The following BCAS3 variants were observed in gnomAD, a reference collection of about 807,000 sequenced individuals.
BCAS3 encodes the protein BCAS3 microtubule associated cell migration factor, also known as BCAS4/BCAS3 fusion.
In BCAS3, 53 loss-of-function variants were observed where a neutral mutation model predicts 116.1. That is an observed-to-expected ratio of 0.46 (90% CI 0.37 to 0.57). BCAS3 has a LOEUF of 0.57. BCAS3 is among the 20% of genes least tolerant of loss of function. The pLI is 0.00. For synonymous variants in BCAS3, 391 were observed against 408.2 expected (o/e 0.96, Z 0.51); for missense variants, 917 against 1,165.4 (o/e 0.79, Z 3.10).
At chr17:60,691,678 T>G (rs897966122) in intron 4 of BCAS3, among the ~76,000 whole-genome samples, 1 of 152,104 alleles carries the variant, frequency 6.6e-6, no homozygotes. Flanking sequence ...TCTCCTATCC[T>G]GTGAGTTGCC....
At position 61,313,113 on chromosome 17, in the gene BCAS3, CGT is replaced by C. The variant is rs1459663218; in HGVS notation, c.2426-55211_2426-55210del. Among the ~76,000 whole-genome samples the C allele has an allele frequency of 1.3e-5, 2 of 152,128 alleles. No individual in the cohort carries two copies. Among genetic ancestry groups the C allele is most frequent in the African/African-American group, 2.4e-5 (1 of 41,404 alleles). On this transcript the variant is annotated intron_variant, in intron 22 of 23. Coordinates refer to ENST00000407086, the MANE Select transcript of BCAS3 (RefSeq NM_017679.5). This position sits in a 1 kb window ranked among gnomAD's most constrained non-coding sequence, Gnocchi z 4.3. ...GTAGCATTGATTGAGAAATCTACTC[CGT>C]GTTAGGCTTAGACTACATAGTGATG... is the stretch of plus-strand genomic sequence containing the variant.
chr17:60,979,689 AG>A (rs1329795199), intron 14 of BCAS3, among the ~76,000 whole-genome samples: 3 of 151,714 alleles, frequency 2.0e-5, no homozygotes, highest in Non-Finnish European at 4.4e-5. Context: ...TAACTTATTG[AG>A]AGTTTTTAGC....
At chr17:61,030,575 T>C (rs2066559956) in intron 16 of BCAS3, among the ~76,000 whole-genome samples, 1 of 152,084 alleles carries the variant, frequency 6.6e-6, no homozygotes, top group Non-Finnish European at 1.5e-5. Context: ...TGAAAATGAT[T>C]CTCGTTCTAT....
At chr17:60,992,123 C>T (rs568739487) in intron 15 of BCAS3, among the ~76,000 whole-genome samples, 1 of 150,284 alleles carries the variant, frequency 6.7e-6, no homozygotes, top group East Asian at 2.0e-4. Context: ...GAGTATGTAC[C>T]TATCCTAATT....
In BCAS3 at chr17:61,392,078, A is replaced by C. The variant is rs2060163803; in HGVS notation, c.2695A>C (p.Thr899Pro). The C allele has an allele frequency of 1.2e-6, 2 of 1,613,702 alleles. No individual in the cohort carries two copies. The highest frequency in any genetic ancestry group is 4.5e-5 in the East Asian group (2 of 44,854). The change falls in exon 24 of 24, where the codon ACC becomes CCC. Residue 899 changes from threonine to proline, a missense_variant. Transcript: ENST00000407086. The surrounding 1 kb of genome is among the most constrained non-coding windows in gnomAD (Gnocchi z 6.4). Reference sequence around the variant, plus strand: ...TGATGGCTACCGATCTCCGCTGCCCACCAATGAGAGCCAGCCCCTCAGCCT... The same window carrying C: ...TGATGGCTACCGATCTCCGCTGCCCCCCAATGAGAGCCAGCCCCTCAGCCT... ...NFDGYRSPLPTNESQPLSLFP... is the reference protein window; with the variant it reads ...NFDGYRSPLPPNESQPLSLFP...
At chr17:61,039,146 T>C (rs1047732814) in intron 18 of BCAS3, among the ~76,000 whole-genome samples, 1 of 152,220 alleles carries the variant, frequency 6.6e-6, no homozygotes, top group African/African-American at 2.4e-5. Context: ...GTTTACTTTC[T>C]TTCTCTATGG....
chr17:61,238,971 G>A (rs1442360689), intron 22 of BCAS3, among the ~76,000 whole-genome samples: 1 of 152,130 alleles, frequency 6.6e-6, no homozygotes, highest in East Asian at 1.9e-4. Flanking sequence ...AGATAGTCCA[G>A]ACAAGCAAAC....
intron 14 of BCAS3, among the ~76,000 whole-genome samples, chr17:60,966,270 T>G (rs912959830): frequency 5.9e-5 from 9 of 152,238 alleles, no homozygotes; most frequent in African/African-American, 2.2e-4. Flanking sequence ...TCTTGTTTCT[T>G]TATCCATTCA....
At chr17:61,100,893 T>A (rs2074285561) in intron 22 of BCAS3, among the ~76,000 whole-genome samples, 1 of 152,136 alleles carries the variant, frequency 6.6e-6, no homozygotes, top group Non-Finnish European at 1.5e-5. Flanking sequence ...CAGTTGAAGA[T>A]GCTGAGGTTA....
intron 4 of BCAS3, among the ~76,000 whole-genome samples, chr17:60,706,929 T>G (rs117474222): frequency 0.02 from 3,093 of 151,580 alleles, 53 homozygotes; most frequent in Non-Finnish European, 0.03. Flanking sequence ...ATCTTCCCAT[T>G]TCAGTCTCCC....
chr17:60,728,110 G>C (rs996136770), intron 5 of BCAS3, among the ~76,000 whole-genome samples: 1 of 151,816 alleles, frequency 6.6e-6, no homozygotes, highest in Non-Finnish European at 1.5e-5. Context: ...TACCCGGCCT[G>C]GTTTTTGGTG....
At chr17:61,030,179 G>A (rs755585852) in intron 16 of BCAS3, among the ~76,000 whole-genome samples, 2 of 151,870 alleles carry the variant, frequency 1.3e-5, no homozygotes, top group Non-Finnish European at 2.9e-5. Context: ...CTCAAATATT[G>A]ACTATTCTTT....
At chr17:60,983,258 A>G (rs1301694649) in intron 14 of BCAS3, among the ~76,000 whole-genome samples, 2 of 152,214 alleles carry the variant, frequency 1.3e-5, no homozygotes, top group Non-Finnish European at 2.9e-5. Context: ...TTAATTACAA[A>G]TAACATTCCA....
chr17:61,036,224 T>G (rs1486646774), intron 17 of BCAS3: 1 of 152,238 alleles, frequency 6.6e-6, no homozygotes, highest in Non-Finnish European at 1.5e-5. Context: ...GGGTTGTTAC[T>G]GGGGCACTTC....
chr17:61,317,591 G>T (rs924793551), intron 22 of BCAS3, among the ~76,000 whole-genome samples: 1 of 152,116 alleles, frequency 6.6e-6, no homozygotes, highest in Non-Finnish European at 1.5e-5. Context: ...TAGAGACCTG[G>T]GTCAGTGGGG....
chr17:60,774,389 T>C (rs1261774004), intron 6 of BCAS3, among the ~76,000 whole-genome samples: 1 of 152,224 alleles, frequency 6.6e-6, no homozygotes, highest in East Asian at 1.9e-4. Context: ...ATGGAATATG[T>C]TTATCATAGG....
intron 22 of BCAS3, among the ~76,000 whole-genome samples, chr17:61,115,248 A>C (rs2075355110): frequency 1.3e-5 from 2 of 152,226 alleles, no homozygotes; most frequent in Admixed American, 6.5e-5. Context: ...ATGGAATCTA[A>C]TTAAACTAAA....
Position 61,007,140 on chromosome 17 carries a change from A to AT in BCAS3, c.1487-8605dup, listed in dbSNP as rs1432807882. Among the ~76,000 whole-genome samples the AT allele has an allele frequency of 2.0e-5, 3 of 151,966 alleles. No homozygotes were observed. Among genetic ancestry groups the AT allele is most frequent in the Admixed American group, 6.6e-5 (1 of 15,242 alleles). On this transcript the variant is annotated intron_variant, in intron 15 of 23. Coordinates refer to ENST00000407086, the MANE Select transcript of BCAS3 (RefSeq NM_017679.5). The surrounding 1 kb of genome is among the most constrained non-coding windows in gnomAD (Gnocchi z 4.3). Reference sequence around the variant, plus strand: ...TAATTGCATGAAACTTTTCAGACAGATTTTTTATATTTCAGTAGAATTCCT... The same window carrying AT: ...TAATTGCATGAAACTTTTCAGACAGATTTTTTTATATTTCAGTAGAATTCCT...
At chr17:60,991,842 T>G (rs1289348210) in intron 15 of BCAS3, among the ~76,000 whole-genome samples, 1 of 152,148 alleles carries the variant, frequency 6.6e-6, no homozygotes, top group African/African-American at 2.4e-5. Context: ...GTCCTGTATA[T>G]TTTATATAAA....
Sources: allele counts gnomAD v4.1 joint callset (sites outside exome capture counted in the v4.1 genomes callset), GRCh38; gene constraint gnomAD v4.1.1; non-coding constraint Gnocchi (gnomAD v3.1); transcripts MANE v1.5; gene names NCBI Gene and HGNC (gene_info 2026-07-23, HGNC 2026-07-21).